The following SAMMSON variants were observed in gnomAD, a reference collection of about 807,000 sequenced individuals.
SAMMSON encodes the protein long intergenic non-protein coding RNA 1212.
intron 4 of SAMMSON, among the ~76,000 whole-genome samples, chr3:70,227,150 G>T (rs1052665016): frequency 6.6e-6 from 1 of 152,152 alleles, no homozygotes; most frequent in African/African-American, 2.4e-5. Flanking sequence ...GTTAAAGCAG[G>T]ACTACAACAA....
chr3:70,384,448 A>G (rs1703104005), intron 9 of SAMMSON, among the ~76,000 whole-genome samples: 1 of 152,042 alleles, frequency 6.6e-6, no homozygotes, highest in Non-Finnish European at 1.5e-5. Flanking sequence ...CAATCCGATG[A>G]CTTGAGGCCA....
At chr3:70,336,911 G>A (rs1338550568) in intron 7 of SAMMSON, among the ~76,000 whole-genome samples, 1 of 147,516 alleles carries the variant, frequency 6.8e-6, no homozygotes, top group African/African-American at 2.5e-5. Flanking sequence ...TCCTACCAGG[G>A]GTTCATCTAT....
intron 6 of SAMMSON, among the ~76,000 whole-genome samples, chr3:70,278,634 T>C (rs1443315439): frequency 6.6e-6 from 1 of 152,178 alleles, no homozygotes; most frequent in Non-Finnish European, 1.5e-5. Context: ...AAAATATACT[T>C]GGCTCTAGAA....
intron 3 of SAMMSON, among the ~76,000 whole-genome samples, chr3:70,048,402 A>G (rs1218462369): frequency 7.2e-5 from 11 of 152,114 alleles, no homozygotes; most frequent in Admixed American, 7.2e-4. Context: ...TATAAAGATT[A>G]AATTACTTAT....
intron 1 of SAMMSON, among the ~76,000 whole-genome samples, chr3:70,002,363 C>G (rs879353988): frequency 2.0e-5 from 3 of 152,096 alleles, no homozygotes; most frequent in African/African-American, 7.2e-5. Flanking sequence ...TTAATTACAG[C>G]TTATTTGTAA....
chr3:70,349,940 A>G (rs1254234448), intron 7 of SAMMSON, among the ~76,000 whole-genome samples: 2 of 152,106 alleles, frequency 1.3e-5, no homozygotes, highest in East Asian at 3.8e-4. Context: ...TTTTTTTTTG[A>G]ACATGATTGT....
intron 4 of SAMMSON, among the ~76,000 whole-genome samples, chr3:70,211,207 C>T (rs1701341207): frequency 6.7e-6 from 1 of 150,064 alleles, no homozygotes; most frequent in Admixed American, 6.7e-5. Context: ...TCCTTTCCCC[C>T]TTCCTTTCAC....
intron 7 of SAMMSON, among the ~76,000 whole-genome samples, chr3:70,332,284 A>G (rs1702626364): frequency 1.3e-5 from 2 of 152,178 alleles, no homozygotes; most frequent in African/African-American, 2.4e-5. Context: ...TCTCACATAA[A>G]CAGGCTGACT....
intron 4 of SAMMSON, among the ~76,000 whole-genome samples, chr3:70,101,770 G>C (rs532169506): frequency 6.6e-6 from 1 of 152,084 alleles, no homozygotes; most frequent in Non-Finnish European, 1.5e-5. Context: ...GACTCGTAAG[G>C]AAACAGACCA....
intron 9 of SAMMSON, among the ~76,000 whole-genome samples, chr3:70,380,950 A>G (rs895231023): frequency 5.3e-5 from 8 of 152,108 alleles, no homozygotes; most frequent in African/African-American, 1.4e-4. Context: ...TCATTGATGG[A>G]CATTTGGGTT....
intron 3 of SAMMSON, among the ~76,000 whole-genome samples, chr3:70,021,147 T>G (rs2067011634): frequency 6.6e-6 from 1 of 152,128 alleles, no homozygotes; most frequent in Non-Finnish European, 1.5e-5. Context: ...GTGTGTACAT[T>G]CAGGGTGGGG....
At chr3:70,015,752 C>T (rs1353001118) in intron 3 of SAMMSON, among the ~76,000 whole-genome samples, 2 of 152,092 alleles carry the variant, frequency 1.3e-5, no homozygotes, top group Non-Finnish European at 2.9e-5. Flanking sequence ...TGTGATGTTC[C>T]CCTTCCTGTG....
intron 3 of SAMMSON, among the ~76,000 whole-genome samples, chr3:70,026,258 C>T (rs1452405376): frequency 6.6e-6 from 1 of 152,144 alleles, no homozygotes; most frequent in Non-Finnish European, 1.5e-5. Context: ...AACAGGATTT[C>T]TGATTTCAGG....
chr3:70,411,712 TC>T (rs1465574749), intron 2 of SAMMSON, among the ~76,000 whole-genome samples: 1 of 152,142 alleles, frequency 6.6e-6, no homozygotes, highest in East Asian at 1.9e-4. Flanking sequence ...AAATGGCAGT[TC>T]CCCTGCATGC....
intron 7 of SAMMSON, among the ~76,000 whole-genome samples, chr3:70,332,507 A>G (rs1173850228): frequency 1.3e-5 from 2 of 152,176 alleles, no homozygotes; most frequent in Non-Finnish European, 2.9e-5. Context: ...CACCTCTTGG[A>G]AGAAGTTACT....
At chr3:70,043,443 C>T (rs957503545) in intron 3 of SAMMSON, among the ~76,000 whole-genome samples, 10 of 152,032 alleles carry the variant, frequency 6.6e-5, no homozygotes, top group Admixed American at 5.9e-4. Flanking sequence ...TTAAAATACA[C>T]GTACACATAT....
At chr3:70,084,226 A>C (rs2067277792) in intron 4 of SAMMSON, among the ~76,000 whole-genome samples, 1 of 152,140 alleles carries the variant, frequency 6.6e-6, no homozygotes, top group Admixed American at 6.6e-5. Context: ...AACTCATCCA[A>C]ATCATTTTGC....
intron 7 of SAMMSON, among the ~76,000 whole-genome samples, chr3:70,329,261 T>A (rs576425240): frequency 3.7e-4 from 56 of 152,254 alleles, no homozygotes; most frequent in Non-Finnish European, 6.9e-4. Flanking sequence ...TTCTTAGTTT[T>A]TAAAAGCTCT....
chr3:70,240,355 C>T (rs1003271661), intron 4 of SAMMSON, among the ~76,000 whole-genome samples: 3 of 151,732 alleles, frequency 2.0e-5, no homozygotes, highest in Admixed American at 1.3e-4. Flanking sequence ...TTTAATCTCT[C>T]CACTTGTGTT....
Sources: gnomAD v4.1 joint callset for allele counts (sites outside exome capture counted in the v4.1 genomes callset) on GRCh38, gnomAD v4.1.1 for gene constraint, MANE v1.5 for transcripts, NCBI Gene and HGNC (gene_info 2026-07-23, HGNC 2026-07-21) for gene names.